Variants in RPH3A observed in about 807,000 individuals in gnomAD.
The protein encoded by RPH3A is rabphilin-3A.
RPH3A carries 48 observed loss-of-function variants against 102.2 expected under a neutral mutation model. That is an observed-to-expected ratio of 0.47 (90% CI 0.37 to 0.60). RPH3A has a LOEUF of 0.60. Ranked by LOEUF, RPH3A falls within the 20% of genes least tolerant of loss-of-function variation. The pLI is 0.00. For missense variants in RPH3A, 781 were observed against 910.1 expected, an observed-to-expected ratio of 0.86 and a Z score of 1.83; for synonymous variants, 310 against 324.3, an observed-to-expected ratio of 0.96 and a Z score of 0.47.
upstream of RPH3A, among the ~76,000 whole-genome samples, chr12:112,789,232 C>A (rs1315543605): frequency 1.3e-5 from 2 of 152,176 alleles, no homozygotes; most frequent in African/African-American, 4.8e-5. Context: ...GACCACAGGT[C>A]CTGGCATCTG....
At chr12:112,744,582 A>AATTTG (rs1423736743) in intron 1 of RPH3A, among the ~76,000 whole-genome samples, 1 of 152,044 alleles carries the variant, frequency 6.6e-6, no homozygotes, top group East Asian at 1.9e-4. Context: ...ATTTATCAAG[A>AATTTG]ATTTGTGTGT....
At chr12:112,858,266 C>CAA (rs1164602599) in intron 5 of RPH3A, among the ~76,000 whole-genome samples, 21 of 44,770 alleles carry the variant, frequency 4.7e-4, no homozygotes, top group Admixed American at 8.4e-4. Context: ...GACCCTGTCT[C>CAA]AAAAAAAAAA....
Position 112,867,153 on chromosome 12 carries a change from A to AT in RPH3A, c.444+320dup, listed in dbSNP as rs1389811928. ...TCTCTCTATTCCATTTCTTATTTCC[A>AT]TTTTTTTATTTCCTCACACTCTCCT... On this transcript the variant is annotated intron_variant, in intron 7 of 21. Transcript: ENST00000389385. Among the ~76,000 whole-genome samples the AT allele has an allele frequency of 1.1e-4, 16 of 149,134 alleles. No individual in the cohort carries two copies. The South Asian group carries it at 1.7e-3, about 16-fold the overall frequency.
chr12:112,818,979 T>C (rs531363852), intron 2 of RPH3A, among the ~76,000 whole-genome samples: 1 of 152,088 alleles, frequency 6.6e-6, no homozygotes, highest in African/African-American at 2.4e-5. Flanking sequence ...CCCCTTCACA[T>C]GAATTAACTC....
intron 14 of RPH3A, among the ~76,000 whole-genome samples, chr12:112,881,423 T>A (rs1321091962): frequency 1.3e-5 from 2 of 152,310 alleles, no homozygotes; most frequent in Admixed American, 6.5e-5. Context: ...ATCCAGTGTG[T>A]ACCATATGCC....
At chr12:112,631,432 G>A (rs2039804159) in intron 1 of RPH3A, among the ~76,000 whole-genome samples, 1 of 152,130 alleles carries the variant, frequency 6.6e-6, no homozygotes, top group Non-Finnish European at 1.5e-5. Flanking sequence ...ATGGGGTAAG[G>A]GGTTCAGCCT....
In RPH3A at chr12:112,618,559, A is replaced by AAG. The variant is rs150562048; in HGVS notation, c.-140+43241_-140+43242insGA. Among the ~76,000 whole-genome samples, 1,182 of 152,312 alleles carry AAG rather than the reference A, an allele frequency of 7.8e-3. 12 individuals are homozygous for AAG. Among genetic ancestry groups the AAG allele is most frequent in the African/African-American group, 0.027 (1,124 of 41,546 alleles). On this transcript the variant is annotated intron_variant, in intron 1 of 21. Transcript: ENST00000543106. ...CAAGTACATTGCCCATTTCAAGAGG[A>AAG]ACCCTGGGGAATTAAATAGTCTCCA...
At chr12:112,657,221 T>C (rs2040019125) in intron 1 of RPH3A, among the ~76,000 whole-genome samples, 1 of 152,202 alleles carries the variant, frequency 6.6e-6, no homozygotes, top group Non-Finnish European at 1.5e-5. Context: ...CATATGTTTG[T>C]TGGCCACTTG....
intron 1 of RPH3A, among the ~76,000 whole-genome samples, chr12:112,773,271 C>A (rs1232987064): frequency 1.3e-5 from 2 of 151,908 alleles, no homozygotes; most frequent in Non-Finnish European, 2.9e-5. Context: ...ATGGATAACC[C>A]CATCCCTTTT....
intron 10 of RPH3A, among the ~76,000 whole-genome samples, chr12:112,871,267 G>A (rs1446717520): frequency 1.3e-5 from 2 of 151,974 alleles, no homozygotes; most frequent in African/African-American, 2.4e-5. Flanking sequence ...ACATTCACAC[G>A]GTTACACAAC....
At chr12:112,877,459 C>CACACACACACACACA in intron 13 of RPH3A, among the ~76,000 whole-genome samples, 1 of 146,278 alleles carries the variant, frequency 6.8e-6, no homozygotes, top group African/African-American at 2.5e-5. Context: ...CACACACACA[C>CACACACACACACACA]CAGTGGCATT....
intron 1 of RPH3A, among the ~76,000 whole-genome samples, chr12:112,686,048 A>G (rs748649495): frequency 1.2e-4 from 19 of 152,062 alleles, no homozygotes; most frequent in African/African-American, 4.3e-4. Context: ...CAGACTTCCA[A>G]TGACTCCCTC....
intron 1 of RPH3A, among the ~76,000 whole-genome samples, chr12:112,765,173 T>C (rs1273759355): frequency 2.6e-5 from 4 of 151,816 alleles, no homozygotes; most frequent in Admixed American, 1.3e-4. Context: ...GTGGGGAGCA[T>C]ATATGTGGGG....
In RPH3A at chr12:112,797,114, G is replaced by T. The variant is rs1355023291; in HGVS notation, c.-19+4851G>T. Among the ~76,000 whole-genome samples the T allele has an allele frequency of 9.9e-5, 15 of 152,218 alleles. No homozygotes were observed. The South Asian group carries it at 1.7e-3, about 17-fold the overall frequency. Reference sequence around the variant, plus strand: ...CTACCTACATAATGTGATCTTTGGTGGGGGGCTGTGGTACAAAGAGGGCTC... The same window carrying T: ...CTACCTACATAATGTGATCTTTGGTTGGGGGCTGTGGTACAAAGAGGGCTC... On this transcript the variant is annotated intron_variant, in intron 2 of 21. Coordinates refer to ENST00000389385, the MANE Select transcript of RPH3A (RefSeq NM_001143854.2).
chr12:112,584,910 G>A (rs930608842), intron 1 of RPH3A, among the ~76,000 whole-genome samples: 10 of 152,182 alleles, frequency 6.6e-5, no homozygotes, highest in Admixed American at 2.6e-4. Context: ...ATCACAAGGT[G>A]AAGTCCCACG....
At chr12:112,647,215 C>T (rs1314103884) in intron 1 of RPH3A, among the ~76,000 whole-genome samples, 1 of 152,070 alleles carries the variant, frequency 6.6e-6, no homozygotes, top group Non-Finnish European at 1.5e-5. Context: ...TTACCAATAC[C>T]ATGACAATTA....
At chr12:112,816,619 G>A (rs1313337106) in intron 2 of RPH3A, among the ~76,000 whole-genome samples, 1 of 152,164 alleles carries the variant, frequency 6.6e-6, no homozygotes, top group Non-Finnish European at 1.5e-5. Context: ...GAAAGGGAGG[G>A]CCAATCTCAC....
chr12:112,677,669 T>C (rs1332293025), intron 1 of RPH3A, among the ~76,000 whole-genome samples: 1 of 151,758 alleles, frequency 6.6e-6, no homozygotes, highest in Non-Finnish European at 1.5e-5. Context: ...TTTCCTCTTC[T>C]GTAAAATGGA....
chr12:112,855,876 G>GGT (rs1414516616), intron 5 of RPH3A, among the ~76,000 whole-genome samples: 2 of 151,826 alleles, frequency 1.3e-5, no homozygotes, highest in African/African-American at 2.4e-5. Context: ...TGTGGTGTGT[G>GGT]GTGTGTGTGT....
Sources: allele counts gnomAD v4.1 joint callset (sites outside exome capture counted in the v4.1 genomes callset), GRCh38; gene constraint gnomAD v4.1.1; transcripts MANE v1.5; gene names NCBI Gene and HGNC (gene_info 2026-07-23, HGNC 2026-07-21).